Variants in DDC observed in about 807,000 individuals in gnomAD.
The protein encoded by DDC is dopa decarboxylase, also known as aromatic-L-amino-acid decarboxylase.
A neutral mutation model predicts 60.0 loss-of-function variants in DDC; 43 were observed. The observed-to-expected ratio is 0.72, with a 90% CI of 0.56 to 0.92. DDC has a LOEUF of 0.92. DDC is among the 40% of genes least tolerant of loss of function. The pLI is 0.00. For synonymous variants in DDC, 232 were observed against 234.6 expected (o/e 0.99, Z 0.10); for missense variants, 573 against 620.2 (o/e 0.92, Z 0.81).
chr7:50,542,018 A>G (rs2044648510), intron 2 of DDC, among the ~76,000 whole-genome samples: 1 of 151,844 alleles, frequency 6.6e-6, no homozygotes, highest in Non-Finnish European at 1.5e-5. Context: ...CAGGTGTGGG[A>G]GGTTGGTGAT....
intron 9 of DDC, among the ~76,000 whole-genome samples, chr7:50,487,477 G>T (rs1031484510): frequency 1.3e-5 from 2 of 152,018 alleles, no homozygotes; most frequent in African/African-American, 4.8e-5. Context: ...CTTTCTACTG[G>T]TGTTGAGATA....
intron 2 of DDC, among the ~76,000 whole-genome samples, chr7:50,540,440 G>A (rs1439603410): frequency 6.6e-6 from 1 of 150,772 alleles, no homozygotes; most frequent in Non-Finnish European, 1.5e-5. Flanking sequence ...CAAAAGCTTA[G>A]TTTTCCTAAA....
chr7:50,499,284 T>G, intron 7 of DDC, 42 bp from the exon 8 acceptor site: 1 of 1,424,982 alleles, frequency 7.0e-7, no homozygotes, highest in Non-Finnish European at 9.8e-7. Flanking sequence ...GATGGATGCC[T>G]CACCACGGAG....
intron 1 of DDC, chr7:50,563,848 C>G (rs991526882): frequency 1.3e-5 from 2 of 152,216 alleles, no homozygotes; most frequent in Non-Finnish European, 2.9e-5. Flanking sequence ...GTGATCTGCC[C>G]GCCTTAGCCT....
chr7:50,463,248 G>C lies in DDC; in HGVS notation c.1426C>G (p.Arg476Gly), dbSNP rs148472208. The change falls in exon 14 of 15, where the codon CGA (arginine) becomes GGA (glycine). Residue 476 changes from arginine (R) to glycine (G), a missense_variant. By Grantham distance (125) the Arg-to-Gly change is moderately radical. Coordinates refer to ENST00000444124, the MANE Select transcript of DDC (RefSeq NM_001082971.2). ...CTTCACTCCTACTCCCTCTCTGCTC[G>C]CAGCACGTCGGCCGCCAGCTCTTTG... The part of the protein sequence containing the change: ...HIKELAADVL[R>G]AERE 1.2e-6 allele frequency: 2 copies of C among 1,613,162 alleles called. No individual in the cohort carries two copies. The highest frequency in any genetic ancestry group is 3.3e-5 in the Admixed American group (2 of 59,866).
At chr7:50,527,906 A>AT (rs1161974093) in intron 6 of DDC, 33 of 453,270 alleles carry the variant, frequency 7.3e-5, no homozygotes, top group Middle Eastern at 6.4e-4. Flanking sequence ...TCAAAGATTA[A>AT]TTTTTTTTGA....
At chr7:50,473,269 G>A (rs925893371) in intron 11 of DDC, among the ~76,000 whole-genome samples, 3 of 152,112 alleles carry the variant, frequency 2.0e-5, no homozygotes, top group Non-Finnish European at 2.9e-5. Context: ...AGGTGCCCTG[G>A]GGGCTCTGCA....
At chr7:50,527,733 A>G in intron 6 of DDC, 1 of 239,474 alleles carries the variant, frequency 4.2e-6, no homozygotes, top group Non-Finnish European at 8.3e-6. Context: ...GATGGCAGGT[A>G]CACCTTGATC....
chr7:50,563,485 A>G (rs1397257392), intron 1 of DDC, among the ~76,000 whole-genome samples: 1 of 152,116 alleles, frequency 6.6e-6, no homozygotes, highest in Non-Finnish European at 1.5e-5. Flanking sequence ...AAGATGGTGG[A>G]TTTGTTGATT....
At chr7:50,461,391 T>G (rs187169910) in intron 14 of DDC, among the ~76,000 whole-genome samples, 1 of 152,020 alleles carries the variant, frequency 6.6e-6, no homozygotes, top group Non-Finnish European at 1.5e-5. Flanking sequence ...ATTGTTCTAA[T>G]CTGTCCAAAA....
At position 50,537,867 on chromosome 7, in the gene DDC, A is replaced by T; in HGVS notation, c.428T>A (p.Val143Glu). ...LNEKAGEGGG[V>E]IQGSASEATL... Reference sequence around the variant, plus strand: ...TCACAGCTCCCACCTTACCTGGATCACTCCTCCCCCTTCTCCAGCTTTCTC... The same window carrying T: ...TCACAGCTCCCACCTTACCTGGATCTCTCCTCCCCCTTCTCCAGCTTTCTC... The change falls in exon 4 of 15, where the codon GTG (valine) becomes GAG (glutamate). Residue 143 changes from valine (V) to glutamate (E), a missense_variant. Physicochemically the swap from Val to Glu is moderately radical, Grantham distance 121. Coordinates refer to ENST00000444124, the MANE Select transcript of DDC (RefSeq NM_001082971.2). 6.2e-7 allele frequency: 1 copy of T among 1,612,938 alleles called. No individual in the cohort carries two copies.
intron 6 of DDC, among the ~76,000 whole-genome samples, chr7:50,519,075 G>T (rs542878993): frequency 6.6e-6 from 1 of 152,258 alleles, no homozygotes; most frequent in South Asian, 2.1e-4. Context: ...CAAAAACTGG[G>T]CTAAGGACAT....
chr7:50,558,845 A>C (rs185230919), intron 1 of DDC, among the ~76,000 whole-genome samples: 1 of 152,328 alleles, frequency 6.6e-6, no homozygotes, highest in East Asian at 1.9e-4. Context: ...CCTGCAACCC[A>C]GAGTGTGGTC....
intron 6 of DDC, among the ~76,000 whole-genome samples, chr7:50,516,386 T>G (rs1387578500): frequency 6.6e-6 from 1 of 152,028 alleles, no homozygotes; most frequent in Admixed American, 6.6e-5. Context: ...AGAACAACAG[T>G]AACGACACAA....
In DDC at chr7:50,532,774, G is replaced by A. The variant is rs192481115; in HGVS notation, c.436-3432C>T. 3.3e-5 allele frequency among the ~76,000 whole-genome samples: 5 copies of A among 152,286 alleles called. No individual in the cohort carries two copies. The East Asian group carries it at 7.7e-4, about 23-fold the overall frequency. On this transcript the variant is annotated intron_variant, in intron 4 of 14. Coordinates refer to ENST00000444124, the MANE Select transcript of DDC (RefSeq NM_001082971.2). ...TTTTTTTGAGGAGTATATAATTAGA[G>A]GAATCATCTGCTGAAAAAATTGAAT...
intron 12 of DDC, among the ~76,000 whole-genome samples, chr7:50,468,756 A>C (rs747017027): frequency 1.3e-5 from 2 of 152,122 alleles, no homozygotes; most frequent in Admixed American, 6.5e-5. Flanking sequence ...GCTGAATATC[A>C]TAAGTGTGCT....
intron 6 of DDC, among the ~76,000 whole-genome samples, chr7:50,513,590 C>T (rs1368447383): frequency 6.6e-6 from 1 of 152,146 alleles, no homozygotes; most frequent in African/African-American, 2.4e-5. Context: ...AGTTTTTAAG[C>T]CCCTCTCGCC....
intron 7 of DDC, among the ~76,000 whole-genome samples, chr7:50,502,989 C>T (rs11575381): frequency 0.033 from 5,035 of 152,292 alleles, 158 homozygotes; most frequent in African/African-American, 0.082. Flanking sequence ...CCTTCAGCAC[C>T]GGCCTTCCCC....
At chr7:50,534,911 C>T (rs535335939) in intron 4 of DDC, among the ~76,000 whole-genome samples, 12 of 152,294 alleles carry the variant, frequency 7.9e-5, no homozygotes, top group African/African-American at 2.4e-4. Flanking sequence ...GCACTGGCTG[C>T]GGACAGTGTG....
Sources: gnomAD v4.1 joint callset for allele counts (sites outside exome capture counted in the v4.1 genomes callset) on GRCh38, gnomAD v4.1.1 for gene constraint, MANE v1.5 for transcripts, NCBI Gene and HGNC (gene_info 2026-07-23, HGNC 2026-07-21) for gene names.